Variants in OCA2 observed in about 807,000 individuals in gnomAD.
The protein encoded by OCA2 is OCA2 melanosomal transmembrane protein.
Under a neutral mutation model 100.2 loss-of-function variants are expected in OCA2, and 77 were observed. The observed-to-expected ratio is 0.77, with a 90% CI of 0.64 to 0.93. The LOEUF is 0.93. OCA2 is among the 40% of genes least tolerant of loss of function. The pLI is 0.00. For synonymous variants in OCA2, 432 were observed against 439.2 expected (o/e 0.98, Z 0.21); for missense variants, 1,062 against 1,089.1 (o/e 0.98, Z 0.35).
chr15:27,723,662 T>C, the OCA2 span, among the ~76,000 whole-genome samples: 13 of 152,262 alleles, frequency 8.5e-5, no homozygotes, highest in Middle Eastern at 6.8e-3. Context: ...ATTCACATTT[T>C]CCTCTTTGCC....
intron 21 of OCA2, among the ~76,000 whole-genome samples, chr15:27,870,089 T>G (rs1169841910): frequency 6.6e-6 from 1 of 152,200 alleles, no homozygotes; most frequent in Non-Finnish European, 1.5e-5. Flanking sequence ...CAGATCCGCC[T>G]AAGGTCGGCG....
At chr15:27,738,741 G>A in the OCA2 span, among the ~76,000 whole-genome samples, 5 of 137,818 alleles carry the variant, frequency 3.6e-5, no homozygotes, top group African/African-American at 1.2e-4. Context: ...AAGGCTCTAC[G>A]CCAAACGCAA....
intron 19 of OCA2, among the ~76,000 whole-genome samples, chr15:27,922,139 G>A (rs759349020): frequency 1.1e-4 from 17 of 152,188 alleles, no homozygotes; most frequent in Admixed American, 2.0e-4. Context: ...GCTGCAGACC[G>A]CAATCTATGG....
chr15:27,959,327 G>A (rs1300103683), intron 15 of OCA2, among the ~76,000 whole-genome samples: 4 of 152,118 alleles, frequency 2.6e-5, no homozygotes, highest in South Asian at 2.1e-4. Flanking sequence ...CTCACACTTC[G>A]TTAAACCACC....
chr15:27,886,190 C>A (rs774249779), intron 19 of OCA2, among the ~76,000 whole-genome samples: 28 of 152,214 alleles, frequency 1.8e-4, no homozygotes, highest in Admixed American at 1.3e-3. Flanking sequence ...ATGTAAATGG[C>A]AGCTGCAGCC....
chr15:27,851,414 A>C lies in OCA2; in HGVS notation c.2306T>G (p.Met769Arg). 6.2e-7 allele frequency: 1 copy of C among 1,614,034 alleles called. No individual in the cohort carries two copies. Among genetic ancestry groups the C allele is most frequent in the East Asian group, 2.2e-5 (1 of 44,874 alleles). The change falls in exon 22 of 24, where the codon ATG becomes AGG. Residue 769 changes from methionine to arginine, a missense_variant. Coordinates refer to ENST00000354638, the MANE Select transcript of OCA2 (RefSeq NM_000275.3). Reference sequence around the variant, plus strand: ...GCAAGCACCGAAGGCCAGGGCATACATGAGCGGCGGTGCGGGCAGGCCAAC... The same window carrying C: ...GCAAGCACCGAAGGCCAGGGCATACCTGAGCGGCGGTGCGGGCAGGCCAAC... ...PEVGLPAPPLMYALAFGACLG... is the reference protein window; with the variant it reads ...PEVGLPAPPLRYALAFGACLG...
At chr15:27,872,435 G>C (rs1251021855) in intron 19 of OCA2, among the ~76,000 whole-genome samples, 1 of 152,170 alleles carries the variant, frequency 6.6e-6, no homozygotes, top group African/African-American at 2.4e-5. Flanking sequence ...CTGTACTCAG[G>C]GAAAGGCAGG....
At chr15:27,977,414 G>A (rs2041005856) in intron 14 of OCA2, among the ~76,000 whole-genome samples, 1 of 152,122 alleles carries the variant, frequency 6.6e-6, no homozygotes, top group African/African-American at 2.4e-5. Flanking sequence ...CACACGTGGA[G>A]CTGGAATATA....
chr15:27,962,452 G>C (rs2040437759), intron 15 of OCA2, among the ~76,000 whole-genome samples: 1 of 152,200 alleles, frequency 6.6e-6, no homozygotes, highest in African/African-American at 2.4e-5. Context: ...AGTGCCGTGT[G>C]GGATGTGCTC....
At chr15:28,017,663 G>A (rs180848194) in intron 7 of OCA2, among the ~76,000 whole-genome samples, 56 of 152,340 alleles carry the variant, frequency 3.7e-4, no homozygotes, top group African/African-American at 1.3e-3. Context: ...AGGAAAAGGG[G>A]AGGGTGCATT....
chr15:27,766,115 A>G (rs942709305), intron 23 of OCA2, among the ~76,000 whole-genome samples: 6 of 152,210 alleles, frequency 3.9e-5, no homozygotes, highest in African/African-American at 1.4e-4. Flanking sequence ...AAGGAAGTCC[A>G]GACCAATAAA....
chr15:27,773,115 T>C (rs2031988029), intron 23 of OCA2, among the ~76,000 whole-genome samples: 1 of 152,192 alleles, frequency 6.6e-6, no homozygotes, highest in South Asian at 2.1e-4. Context: ...ATTTAAGTTG[T>C]ATTAGCCATT....
At chr15:27,727,256 T>A in the OCA2 span, among the ~76,000 whole-genome samples, 34 of 152,326 alleles carry the variant, frequency 2.2e-4, no homozygotes, top group Non-Finnish European at 3.2e-4. Context: ...AGAGCCTCCC[T>A]ACAGCTGCCT....
chr15:28,025,206 T>A (rs2042713074), intron 4 of OCA2, among the ~76,000 whole-genome samples: 1 of 152,184 alleles, frequency 6.6e-6, no homozygotes, highest in African/African-American at 2.4e-5. Flanking sequence ...AAGGCTCCTG[T>A]TTCCTGGAAA....
At chr15:28,083,918 A>G (rs1472767353) in intron 1 of OCA2, among the ~76,000 whole-genome samples, 1 of 152,178 alleles carries the variant, frequency 6.6e-6, no homozygotes, top group Non-Finnish European at 1.5e-5. Flanking sequence ...TAAAACACCC[A>G]GCTTCTTTAG....
chr15:27,721,533 G>A, the OCA2 span, among the ~76,000 whole-genome samples: 1 of 152,146 alleles, frequency 6.6e-6, no homozygotes, highest in Non-Finnish European at 1.5e-5. Flanking sequence ...ATCAACAGCT[G>A]CACTTCACTG....
At chr15:27,887,326 G>C (rs1015599856) in intron 19 of OCA2, among the ~76,000 whole-genome samples, 4 of 151,714 alleles carry the variant, frequency 2.6e-5, no homozygotes, top group Admixed American at 2.0e-4. Context: ...AGCATTTCCA[G>C]ACCAACTCCC....
intron 23 of OCA2, among the ~76,000 whole-genome samples, chr15:27,775,096 G>GTGTGTGTGTGTGTGTC (rs1555404313): frequency 9.9e-5 from 15 of 151,830 alleles, no homozygotes; most frequent in Non-Finnish European, 4.4e-5. Context: ...GTGTGTGTGT[G>GTGTGTGTGTGTGTGTC]TGTGTGTCTG....
At chr15:27,826,522 C>T (rs956343816) in intron 23 of OCA2, among the ~76,000 whole-genome samples, 5 of 152,212 alleles carry the variant, frequency 3.3e-5, no homozygotes, top group Non-Finnish European at 7.3e-5. Flanking sequence ...GCCTCCCCCT[C>T]CTTTCCCCAG....
Sources: allele counts gnomAD v4.1 joint callset (sites outside exome capture counted in the v4.1 genomes callset), GRCh38; gene constraint gnomAD v4.1.1; transcripts MANE v1.5; gene names NCBI Gene and HGNC (gene_info 2026-07-23, HGNC 2026-07-21).